RNF220: variants seen among roughly 807,000 people sequenced by gnomAD.
RNF220 encodes the protein E3 ubiquitin-protein ligase RNF220.
Under a neutral mutation model 67.1 loss-of-function variants are expected in RNF220, and 7 were observed. That is an observed-to-expected ratio of 0.10 (90% CI 0.06 to 0.20). The LOEUF is 0.20. RNF220 is among the 10% of genes least tolerant of loss of function. The pLI, the probability that RNF220 is intolerant of heterozygous loss-of-function variation, is 1.00. For synonymous variants in RNF220, 270 were observed against 283.2 expected, an observed-to-expected ratio of 0.95 and a Z score of 0.47; for missense variants, 565 against 740.3, an observed-to-expected ratio of 0.76 and a Z score of 2.75.
At chr1:44,554,757 A>C (rs1285163381) in intron 2 of RNF220, among the ~76,000 whole-genome samples, 1 of 152,098 alleles carries the variant, frequency 6.6e-6, no homozygotes, top group African/African-American at 2.4e-5. Context: ...TTTCATAGCA[A>C]GCAGGTAGAA....
At chr1:44,523,274 C>T (rs1273594910) in intron 2 of RNF220, among the ~76,000 whole-genome samples, 1 of 152,168 alleles carries the variant, frequency 6.6e-6, no homozygotes, top group Non-Finnish European at 1.5e-5. Context: ...CAAGAAGTGG[C>T]CCTGTAATGG....
chr1:44,567,400 C>T (rs541276620), intron 2 of RNF220, among the ~76,000 whole-genome samples: 13 of 152,090 alleles, frequency 8.5e-5, no homozygotes, highest in Non-Finnish European at 1.9e-4. Flanking sequence ...ACATAGCCCC[C>T]GCCAGAGTCT....
intron 2 of RNF220, among the ~76,000 whole-genome samples, chr1:44,539,964 C>T (rs1255036344): frequency 1.3e-5 from 2 of 152,228 alleles, no homozygotes; most frequent in African/African-American, 4.8e-5. Context: ...CTCTTACTAA[C>T]CTGACCTCTG....
intron 2 of RNF220, among the ~76,000 whole-genome samples, chr1:44,468,234 G>A (rs1654459920): frequency 6.6e-6 from 1 of 152,016 alleles, no homozygotes; most frequent in South Asian, 2.1e-4. Flanking sequence ...AACAAGGTAT[G>A]CCTGTACCGG....
At chr1:44,469,169 A>C (rs1305269206) in intron 2 of RNF220, among the ~76,000 whole-genome samples, 1 of 152,238 alleles carries the variant, frequency 6.6e-6, no homozygotes, top group Non-Finnish European at 1.5e-5. Context: ...AAGAAAACCC[A>C]CAGGGAATCC....
intron 2 of RNF220, among the ~76,000 whole-genome samples, chr1:44,597,329 G>C (rs1666570128): frequency 1.3e-5 from 2 of 152,084 alleles, no homozygotes; most frequent in South Asian, 4.1e-4. Flanking sequence ...TCAAACCCAG[G>C]TTAGCATGGC....
intron 2 of RNF220, among the ~76,000 whole-genome samples, chr1:44,568,631 T>A (rs1664204682): frequency 6.6e-6 from 1 of 152,190 alleles, no homozygotes; most frequent in Admixed American, 6.5e-5. Flanking sequence ...GTCCTTGCCC[T>A]CCTGAAGCAC....
intron 8 of RNF220, among the ~76,000 whole-genome samples, chr1:44,640,732 C>T (rs1011623977): frequency 1.3e-5 from 2 of 152,322 alleles, no homozygotes; most frequent in South Asian, 2.1e-4. Context: ...TGTCCCGCAT[C>T]GCAGCTCCCC....
At chr1:44,604,488 G>T (rs990684098) in intron 2 of RNF220, among the ~76,000 whole-genome samples, 77 of 152,250 alleles carry the variant, frequency 5.1e-4, no homozygotes, top group African/African-American at 1.8e-3. Flanking sequence ...AACAGCTGTG[G>T]CCCCTGAAGC....
intron 2 of RNF220, among the ~76,000 whole-genome samples, chr1:44,555,962 G>C (rs270768): frequency 0.7 from 104,722 of 149,746 alleles, 37,665 homozygotes; most frequent in East Asian, 0.85. Context: ...CCCCTACCCA[G>C]AATGTATTTC....
At chr1:44,420,329 G>T (rs774797509) in intron 2 of RNF220, among the ~76,000 whole-genome samples, 2 of 152,216 alleles carry the variant, frequency 1.3e-5, no homozygotes, top group Non-Finnish European at 2.9e-5. Flanking sequence ...CCAGGCAAGA[G>T]TTGTCTTTTT....
At chr1:44,630,066 C>G (rs973402292) in intron 5 of RNF220, among the ~76,000 whole-genome samples, 13 of 152,178 alleles carry the variant, frequency 8.5e-5, no homozygotes, top group Non-Finnish European at 1.8e-4. Flanking sequence ...AGTCACTGAG[C>G]TAGGCCTTGA....
chr1:44,649,572 A>G lies in RNF220; in HGVS notation c.1446-89A>G. On this transcript the variant is annotated intron_variant, in intron 12 of 14. Transcript: ENST00000361799. This position sits in a 1 kb window ranked among gnomAD's most constrained non-coding sequence, Gnocchi z 5.9. ...AGGGATGCCTAGGGGACATTTATGT[A>G]TTTGGTTCTGGAATTCAAGGGAGGC... The G allele has an allele frequency of 1.7e-6, 2 of 1,206,742 alleles. No individual in the cohort carries two copies. The highest frequency in any genetic ancestry group is 2.4e-6 in the Non-Finnish European group (2 of 818,996). 74.8% of individuals were successfully genotyped at this position (1,206,742 alleles called of 1,614,324 possible). A position where few individuals can be genotyped will look rare whatever the true frequency, so the allele number is the denominator to read the frequency against.
At chr1:44,418,208 C>T (rs1648796841) in intron 2 of RNF220, among the ~76,000 whole-genome samples, 1 of 151,910 alleles carries the variant, frequency 6.6e-6, no homozygotes. Context: ...GGACACAGCG[C>T]GGGCGTGGGG....
chr1:44,618,022 G>A lies in RNF220; in HGVS notation c.758+3725G>A, dbSNP rs188248523. On this transcript the variant is annotated intron_variant, in intron 3 of 14. Coordinates refer to ENST00000361799, the MANE Select transcript of RNF220 (RefSeq NM_018150.4). ...CTTCTTCAGCTTAGCCAGCTCCTGA[G>A]TCTGTGGATGCTGCCGCCAGGTGCC... 1.8e-3 allele frequency among the ~76,000 whole-genome samples: 278 copies of A among 152,260 alleles called. 1 individual carries two copies. The highest frequency in any genetic ancestry group is 6.3e-3 in the African/African-American group (263 of 41,528).
intron 2 of RNF220, among the ~76,000 whole-genome samples, chr1:44,439,285 T>G (rs892571128): frequency 2.0e-5 from 3 of 152,210 alleles, no homozygotes; most frequent in Admixed American, 6.5e-5. Flanking sequence ...TCTGTATTTC[T>G]TTAGTTACTA....
chr1:44,416,694 C>A (rs1478454445), intron 2 of RNF220, among the ~76,000 whole-genome samples: 1 of 152,220 alleles, frequency 6.6e-6, no homozygotes, highest in African/African-American at 2.4e-5. Flanking sequence ...CAGGGATGGA[C>A]CCTGGGCACT....
Position 44,626,494 on chromosome 1 carries a change from C to A in RNF220, c.906+96C>A, listed in dbSNP as rs1276972335. ...GCTAACTCCTCCTCTCCTCTGTAGG[C>A]CACAGGAGAGGCCTGAACTGGGTTT... On this transcript the variant is annotated intron_variant, in intron 5 of 14. Coordinates refer to ENST00000361799, the MANE Select transcript of RNF220 (RefSeq NM_018150.4). The A allele has an allele frequency of 6.2e-6, 6 of 961,394 alleles. No individual in the cohort carries two copies. In the East Asian group the frequency reaches 9.9e-5, roughly 16 times the overall value. The allele number at this position is 961,394 out of a possible 1,614,324, so 59.6% of individuals were successfully genotyped here. A position where few individuals can be genotyped will look rare whatever the true frequency, so the allele number is the denominator to read the frequency against.
At chr1:44,635,186 C>G (rs145986396) in intron 6 of RNF220, 3 of 214,870 alleles carry the variant, frequency 1.4e-5, no homozygotes, top group Admixed American at 5.3e-5. Context: ...TTTCCTGACA[C>G]CAAAAGAGTT....
Sources: allele counts gnomAD v4.1 joint callset (sites outside exome capture counted in the v4.1 genomes callset), GRCh38; gene constraint gnomAD v4.1.1; non-coding constraint Gnocchi (gnomAD v3.1); transcripts MANE v1.5; gene names NCBI Gene and HGNC (gene_info 2026-07-23, HGNC 2026-07-21).